Variants in ASB18 observed in about 807,000 individuals in gnomAD.
The protein encoded by ASB18 is ankyrin repeat and SOCS box protein 18.
ASB18 carries 33 observed loss-of-function variants against 33.4 expected under a neutral mutation model. The observed-to-expected ratio is 0.99, with a 90% confidence interval of 0.75 to 1.32. ASB18 has a LOEUF of 1.32. Among genes scored for constraint, ASB18 ranks in the 40% most tolerant of loss-of-function variants. ASB18 has a pLI of 0.00. For synonymous variants in ASB18, 295 were observed against 307.6 expected (o/e 0.96, Z 0.43); for missense variants, 694 against 655.5 (o/e 1.06, Z -0.64).
In ASB18 at chr2:236,203,369, G is replaced by A. The variant is rs751272807; in HGVS notation, c.1102-6984C>T. The stretch of plus-strand genomic sequence containing the variant: ...CAAGAGTGTTCTAGGCAGAGAAAAC[G>A]TATTATGCCAGGTTTGGGAGGTGAG... On this transcript the variant is annotated intron_variant, in intron 4 of 5. Transcript: ENST00000409749. This position sits in a 1 kb window ranked among gnomAD's most constrained non-coding sequence, Gnocchi z 6.0. Among the ~76,000 whole-genome samples the A allele has an allele frequency of 1.3e-5, 2 of 152,122 alleles. No individual in the cohort carries two copies. The highest frequency in any genetic ancestry group is 2.4e-5 in the African/African-American group (1 of 41,430).
rs917283722 is a variant in ASB18 at position 236,237,002 on chromosome 2, G to A, written c.596+687C>T. Among the ~76,000 whole-genome samples the A allele has an allele frequency of 1.2e-4, 19 of 152,244 alleles. No individual in the cohort carries two copies. Among genetic ancestry groups the A allele is most frequent in the African/African-American group, 4.6e-4 (19 of 41,568 alleles). ...CTTTCCGAGACCCGGAGCACACGCT[G>A]GGAGGGCGCTCTCTGGGGACGGGGG... is the stretch of plus-strand genomic sequence containing the variant. On this transcript the variant is annotated intron_variant, in intron 3 of 5. Transcript: ENST00000409749. This position sits in a 1 kb window ranked among gnomAD's most constrained non-coding sequence, Gnocchi z 6.2.
chr2:236,237,639 T>C lies in ASB18; in HGVS notation c.596+50A>G. 7.7e-7 allele frequency: 1 copy of C among 1,298,472 alleles called. No homozygotes were observed. The highest frequency in any genetic ancestry group is 1.9e-5 in the South Asian group (1 of 52,128). The allele number at this position is 1,298,472 out of a possible 1,614,324, so 80.4% of individuals were successfully genotyped here. A position where few individuals can be genotyped will look rare whatever the true frequency, so the allele number is the denominator to read the frequency against. On this transcript the variant is annotated intron_variant, in intron 3 of 5. Coordinates refer to ENST00000409749, the MANE Select transcript of ASB18 (RefSeq NM_212556.4). The surrounding 1 kb of genome is among the most constrained non-coding windows in gnomAD (Gnocchi z 6.2). ...GCGGTCTCGTGGGGGGAGGCGGGCG[T>C]CTGGTCTCGGGGCGGGGCGGACGCC...
rs1487849775 is a variant in ASB18, at chr2:236,262,915, A to G, written c.205+1226T>C. Among the ~76,000 whole-genome samples, 1 of 152,136 alleles carries G rather than the reference A, an allele frequency of 6.6e-6. No homozygotes were observed. ...GGGGCGGACCCCCTCGGAAGTTCCA[A>G]TCTCAGACTCCTCGCCTCAGCACCC... On this transcript the variant is annotated intron_variant, in intron 1 of 5. Coordinates refer to ENST00000409749, the MANE Select transcript of ASB18 (RefSeq NM_212556.4). The surrounding 1 kb of genome is among the most constrained non-coding windows in gnomAD (Gnocchi z 5.2).
At position 236,249,690 on chromosome 2, in the gene ASB18, T is replaced by C. The variant is rs7598462; in HGVS notation, c.206-8288A>G. ...GTGTACTTATTTGACAGAGGAAGCT[T>C]ATTTGTGTGGGTGGACCGTGGCAGA... On this transcript the variant is annotated intron_variant, in intron 1 of 5. Transcript: ENST00000409749. This position sits in a 1 kb window ranked among gnomAD's most constrained non-coding sequence, Gnocchi z 4.6. 0.26 allele frequency: 39,817 copies of C among 152,064 alleles called. 7,868 individuals are homozygous for C. Among genetic ancestry groups the C allele is most frequent in the African/African-American group, 0.56 (23,224 of 41,412 alleles). The allele number at this position is 152,064 out of a possible 1,614,324, so 9.4% of individuals were successfully genotyped here.
Position 236,216,143 on chromosome 2 carries a change from C to T in ASB18, c.597-1277G>A, listed in dbSNP as rs927227442. Among the ~76,000 whole-genome samples the T allele has an allele frequency of 5.3e-5, 8 of 152,146 alleles. No homozygotes were observed. Among genetic ancestry groups the T allele is most frequent in the Admixed American group, 6.5e-5 (1 of 15,288 alleles). On this transcript the variant is annotated intron_variant, in intron 3 of 5. Transcript: ENST00000409749. The surrounding 1 kb of genome is among the most constrained non-coding windows in gnomAD (Gnocchi z 6.1). ...CCCCTCCTTTTCTCTGCGGGTCTGC[C>T]GAGCCCTGTTGGAGGACGCAGCCTT...
intron 4 of ASB18, among the ~76,000 whole-genome samples, chr2:236,197,384 T>G (rs148618697): frequency 0.011 from 1,725 of 152,362 alleles, 71 homozygotes; most frequent in East Asian, 0.072. Flanking sequence ...TTTAGATGTC[T>G]TTTTTGTTTC....
At chr2:236,198,527 C>A (rs1378331936) in intron 4 of ASB18, among the ~76,000 whole-genome samples, 1 of 151,972 alleles carries the variant, frequency 6.6e-6, no homozygotes, top group African/African-American at 2.4e-5. Flanking sequence ...GCCACCACAC[C>A]CGGCTGATTT....
chr2:236,217,092 C>A lies in ASB18; in HGVS notation c.597-2226G>T, dbSNP rs2060491536. 6.6e-6 allele frequency among the ~76,000 whole-genome samples: 1 copy of A among 152,168 alleles called. No individual in the cohort carries two copies. The highest frequency in any genetic ancestry group is 1.5e-5 in the Non-Finnish European group (1 of 68,024). On this transcript the variant is annotated intron_variant, in intron 3 of 5. Transcript: ENST00000409749. The surrounding 1 kb of genome is among the most constrained non-coding windows in gnomAD (Gnocchi z 5.2). ...ACATGTCTTGCACTATGTGCCCAGGCACATTGGTCACCCCATATTTCAAAT... is the reference window on the plus strand; with the variant it reads ...ACATGTCTTGCACTATGTGCCCAGGAACATTGGTCACCCCATATTTCAAAT...
At chr2:236,230,737 A>G (rs2060560312) in intron 3 of ASB18, among the ~76,000 whole-genome samples, 1 of 151,624 alleles carries the variant, frequency 6.6e-6, no homozygotes, top group African/African-American at 2.4e-5. Flanking sequence ...ATATCTAGTA[A>G]GCCAAAAAAG....
Position 236,196,898 on chromosome 2 carries a change from G to A in ASB18, c.1102-513C>T, listed in dbSNP as rs1222413120. Among the ~76,000 whole-genome samples the A allele has an allele frequency of 6.6e-6, 1 of 152,182 alleles. No individual in the cohort carries two copies. Among genetic ancestry groups the A allele is most frequent in the Non-Finnish European group, 1.5e-5 (1 of 68,028 alleles). ...CCGTTTTATTTTCACAGTCCCCACTGGCAAAGATTCCTATTGCCTTATTCA... is the reference window on the plus strand; with the variant it reads ...CCGTTTTATTTTCACAGTCCCCACTAGCAAAGATTCCTATTGCCTTATTCA... On this transcript the variant is annotated intron_variant, in intron 4 of 5. Coordinates refer to ENST00000409749, the MANE Select transcript of ASB18 (RefSeq NM_212556.4). The surrounding 1 kb of genome is among the most constrained non-coding windows in gnomAD (Gnocchi z 5.6).
Position 236,214,475 on chromosome 2 carries a change from G to C in ASB18, c.988C>G (p.Leu330Val), listed in dbSNP as rs1035890577. 1 of 1,511,318 alleles carries C rather than the reference G, an allele frequency of 6.6e-7. No homozygotes were observed. The highest frequency in any genetic ancestry group is 2.6e-5 in the East Asian group (1 of 38,414). 93.6% of individuals were successfully genotyped at this position (1,511,318 alleles called of 1,614,324 possible). The change falls in exon 4 of 6, where the codon CTG (leucine) becomes GTG (valine). Residue 330 changes from leucine to valine, a missense_variant. Transcript: ENST00000409749. The surrounding 1 kb of genome is among the most constrained non-coding windows in gnomAD (Gnocchi z 6.5). ...GALDYGGASPLGRVLQTASCA... is the reference protein window; with the variant it reads ...GALDYGGASPVGRVLQTASCA... ...GATGCGGTCTGGAGCACGCGGCCCA[G>C]CGGCGAGGCCCCGCCATAGTCGAGC...
Position 236,215,136 on chromosome 2 carries a change from CT to C in ASB18, c.597-271del, listed in dbSNP as rs1484476384. Among the ~76,000 whole-genome samples, 1 of 151,610 alleles carries C rather than the reference CT, an allele frequency of 6.6e-6. No individual in the cohort carries two copies. The highest frequency in any genetic ancestry group is 1.5e-5 in the Non-Finnish European group (1 of 67,898). On this transcript the variant is annotated intron_variant, in intron 3 of 5. Transcript: ENST00000409749. The surrounding 1 kb of genome is among the most constrained non-coding windows in gnomAD (Gnocchi z 7.2). ...GTTACAATTTATAAGGAAATTTTAA[CT>C]GCTTGGAGCTTCCTGGGAAGGTGAT...
chr2:236,214,419 C>T lies in ASB18; in HGVS notation c.1044G>A (p.Thr348=), dbSNP rs759933889. ...AGCCGTGGTTGAGCAGCGCCTGCAC[C>T]GTGCGCTGCGGTGAGGCCTGGAGAG... is the stretch of plus-strand genomic sequence containing the variant. ...SCALQASPQR[T]VQALLNHGSP... is the part of the protein sequence containing the mutation. The change falls in exon 4 of 6, where the codon ACG becomes ACA. Residue 348 remains threonine, a synonymous_variant. Transcript: ENST00000409749. This position sits in a 1 kb window ranked among gnomAD's most constrained non-coding sequence, Gnocchi z 6.5. 2.6e-6 allele frequency: 4 copies of T among 1,565,110 alleles called. No homozygotes were observed. Among genetic ancestry groups the T allele is most frequent in the Middle Eastern group, 1.7e-4 (1 of 5,738 alleles).
rs1399985305 is a variant in ASB18, at chr2:236,223,932, G to A, written c.597-9066C>T. On this transcript the variant is annotated intron_variant, in intron 3 of 5. Coordinates refer to ENST00000409749, the MANE Select transcript of ASB18 (RefSeq NM_212556.4). The surrounding 1 kb of genome is among the most constrained non-coding windows in gnomAD (Gnocchi z 4.6). ...TTTAAGCCATTTTCCCATTGATATT[G>A]ATGGACATTTGCATGTTTCTATTTT... Among the ~76,000 whole-genome samples the A allele has an allele frequency of 6.6e-6, 1 of 152,054 alleles. No individual in the cohort carries two copies. Among genetic ancestry groups the A allele is most frequent in the Non-Finnish European group, 1.5e-5 (1 of 68,018 alleles).
rs1022564485 is a variant in ASB18 at position 236,209,876 on chromosome 2, C to T, written c.1101+4486G>A. On this transcript the variant is annotated intron_variant, in intron 4 of 5. Coordinates refer to ENST00000409749, the MANE Select transcript of ASB18 (RefSeq NM_212556.4). This position sits in a 1 kb window ranked among gnomAD's most constrained non-coding sequence, Gnocchi z 4.4. ...TCATTTTTCCAACTGCACACATTGCCGTGCCTGTCCTGCTCCAGGACATTT... is the reference window on the plus strand; with the variant it reads ...TCATTTTTCCAACTGCACACATTGCTGTGCCTGTCCTGCTCCAGGACATTT... 3.9e-5 allele frequency among the ~76,000 whole-genome samples: 6 copies of T among 152,174 alleles called. No homozygotes were observed. Among genetic ancestry groups the T allele is most frequent in the Admixed American group, 6.5e-5 (1 of 15,276 alleles).
intron 4 of ASB18, among the ~76,000 whole-genome samples, chr2:236,202,777 C>CAAAAAA (rs34973734): frequency 2.8e-3 from 192 of 68,308 alleles, no homozygotes; most frequent in Non-Finnish European, 5.0e-3. Context: ...GACTCCGTCT[C>CAAAAAA]AAAAAAAAAA....
At position 236,222,055 on chromosome 2, in the gene ASB18, G is replaced by A. The variant is rs1016744496; in HGVS notation, c.597-7189C>T. ...TTTTCTAACGAAGCTGCTGCAGGAA[G>A]GTTTCCTCCTGTGGCTCTATGCCCC... is the stretch of plus-strand genomic sequence containing the variant. On this transcript the variant is annotated intron_variant, in intron 3 of 5. Transcript: ENST00000409749. The surrounding 1 kb of genome is among the most constrained non-coding windows in gnomAD (Gnocchi z 5.5). 7.2e-5 allele frequency among the ~76,000 whole-genome samples: 11 copies of A among 152,140 alleles called. No individual in the cohort carries two copies. The highest frequency in any genetic ancestry group is 6.5e-4 in the Admixed American group (10 of 15,274).
chr2:236,213,972 G>T lies in ASB18; in HGVS notation c.1101+390C>A, dbSNP rs147749035. On this transcript the variant is annotated intron_variant, in intron 4 of 5. Transcript: ENST00000409749. The surrounding 1 kb of genome is among the most constrained non-coding windows in gnomAD (Gnocchi z 4.8). Reference sequence around the variant, plus strand: ...GACTGATTTTCATCGTTCTGAAAATGACACTGATGATGAGCTGCCAAAATA... The same window carrying T: ...GACTGATTTTCATCGTTCTGAAAATTACACTGATGATGAGCTGCCAAAATA... The T allele has an allele frequency of 2.0e-5, 4 of 196,684 alleles. No homozygotes were observed. Among genetic ancestry groups the T allele is most frequent in the African/African-American group, 9.3e-5 (4 of 42,804 alleles). The allele number at this position is 196,684 out of a possible 1,614,324, so 12.2% of individuals were successfully genotyped here.
intron 1 of ASB18, among the ~76,000 whole-genome samples, chr2:236,254,910 G>C (rs1017806269): frequency 1.3e-5 from 2 of 152,078 alleles, no homozygotes; most frequent in African/African-American, 4.8e-5. Flanking sequence ...CCTGCCATCC[G>C]CTTGGTGCTG....
Sources: allele counts gnomAD v4.1 joint callset (sites outside exome capture counted in the v4.1 genomes callset), GRCh38; gene constraint gnomAD v4.1.1; non-coding constraint Gnocchi (gnomAD v3.1); transcripts MANE v1.5; gene names NCBI Gene and HGNC (gene_info 2026-07-23, HGNC 2026-07-21).